KLHL29: variants seen among roughly 807,000 people sequenced by gnomAD.
KLHL29 encodes the protein kelch-like protein 29.
In KLHL29, 21 loss-of-function variants were observed where a neutral mutation model predicts 80.4. The observed-to-expected ratio is 0.26, with a 90% CI of 0.19 to 0.38. KLHL29 has a LOEUF of 0.38. Among genes scored for constraint, KLHL29 ranks in the 10% least tolerant of loss-of-function variants. KLHL29 has a pLI of 1.00. For synonymous variants in KLHL29, 511 were observed against 526.8 expected (o/e 0.97, Z 0.41); for missense variants, 867 against 1,223.9 (o/e 0.71, Z 4.35).
chr2:23,620,404 G>T (rs547989133), intron 3 of KLHL29, among the ~76,000 whole-genome samples: 1 of 152,282 alleles, frequency 6.6e-6, no homozygotes, highest in African/African-American at 2.4e-5. Context: ...CTCCTTGGAG[G>T]TCAGGAGAAG....
At chr2:23,478,792 C>A (rs1175611104) in intron 2 of KLHL29, among the ~76,000 whole-genome samples, 1 of 152,154 alleles carries the variant, frequency 6.6e-6, no homozygotes, top group Non-Finnish European at 1.5e-5. Flanking sequence ...GTTTGTCCCC[C>A]TGCCCTCAGC....
chr2:23,537,770 G>A (rs1490897413), intron 2 of KLHL29, among the ~76,000 whole-genome samples: 2 of 152,134 alleles, frequency 1.3e-5, no homozygotes, highest in Admixed American at 1.3e-4. Context: ...CAGGGCTCAG[G>A]GCAGCTGGCA....
At chr2:23,518,260 G>C (rs964565354) in intron 2 of KLHL29, among the ~76,000 whole-genome samples, 2 of 152,200 alleles carry the variant, frequency 1.3e-5, no homozygotes, top group South Asian at 2.1e-4. Flanking sequence ...TCGCCTAACA[G>C]TCTTAAGCAG....
chr2:23,606,181 A>G (rs77819666), intron 3 of KLHL29, among the ~76,000 whole-genome samples: 4 of 118,460 alleles, frequency 3.4e-5, no homozygotes, highest in East Asian at 2.3e-4. Context: ...CGTGAGAGAG[A>G]GAGAGAGGGA....
At chr2:23,620,007 AC>A (rs1669127978) in intron 3 of KLHL29, among the ~76,000 whole-genome samples, 1 of 152,104 alleles carries the variant, frequency 6.6e-6, no homozygotes, top group South Asian at 2.1e-4. Context: ...AATGCATCTG[AC>A]CCAGATGAAG....
At chr2:23,652,931 C>A (rs1199921770) in intron 5 of KLHL29, among the ~76,000 whole-genome samples, 2 of 152,092 alleles carry the variant, frequency 1.3e-5, no homozygotes, top group African/African-American at 4.8e-5. Context: ...CAGCTTTTTG[C>A]CCCTAACTTG....
intron 11 of KLHL29, 126 bp from the exon 12 acceptor site, chr2:23,703,060 G>A (rs920801632): frequency 1.3e-5 from 8 of 614,480 alleles, no homozygotes; most frequent in Non-Finnish European, 2.0e-5. Context: ...CACTGCTGGT[G>A]TGATCTCAGG....
chr2:23,583,529 C>T (rs987453137), intron 3 of KLHL29, among the ~76,000 whole-genome samples: 2 of 152,150 alleles, frequency 1.3e-5, no homozygotes, highest in Admixed American at 6.5e-5. Context: ...GCGATTAAAG[C>T]GAGAAGCTCT....
chr2:23,568,923 A>C (rs917754430), intron 3 of KLHL29, among the ~76,000 whole-genome samples: 2 of 152,200 alleles, frequency 1.3e-5, no homozygotes, highest in East Asian at 3.9e-4. Context: ...ACGTACATCT[A>C]TCTACTCAGA....
intron 3 of KLHL29, among the ~76,000 whole-genome samples, chr2:23,611,321 A>G (rs1668866876): frequency 6.6e-6 from 1 of 152,190 alleles, no homozygotes; most frequent in Non-Finnish European, 1.5e-5. Flanking sequence ...GCAGGCTTGC[A>G]GGGTCAGAGG....
intron 2 of KLHL29, among the ~76,000 whole-genome samples, chr2:23,484,926 C>T (rs545748307): frequency 6.6e-6 from 1 of 152,298 alleles, no homozygotes; most frequent in East Asian, 1.9e-4. Flanking sequence ...AGCGCCTCTC[C>T]CATCCCTACC....
intron 2 of KLHL29, among the ~76,000 whole-genome samples, chr2:23,525,989 C>T (rs377461304): frequency 2.0e-5 from 3 of 152,330 alleles, no homozygotes; most frequent in East Asian, 1.9e-4. Context: ...CCCTGACATC[C>T]GTGGACCTGC....
At chr2:23,434,068 T>C (rs1056842978) in intron 1 of KLHL29, among the ~76,000 whole-genome samples, 1 of 152,102 alleles carries the variant, frequency 6.6e-6, no homozygotes, top group Non-Finnish European at 1.5e-5. Flanking sequence ...ACGCCTGTAA[T>C]CCCAGCACTT....
chr2:23,706,386 C>G, intron 13 of KLHL29, 95 bp from the exon 14 acceptor site: 1 of 982,428 alleles, frequency 1.0e-6, no homozygotes. Flanking sequence ...GCAAAAGGCA[C>G]AGGCAGCCTA....
At chr2:23,482,527 C>T (rs553802885) in intron 2 of KLHL29, among the ~76,000 whole-genome samples, 4 of 152,160 alleles carry the variant, frequency 2.6e-5, no homozygotes, top group East Asian at 1.9e-4. Flanking sequence ...AAGCATCCAT[C>T]GGGGAAAGCA....
At chr2:23,676,240 T>C (rs1184065809) in intron 5 of KLHL29, among the ~76,000 whole-genome samples, 5 of 152,128 alleles carry the variant, frequency 3.3e-5, no homozygotes, top group Admixed American at 1.3e-4. Flanking sequence ...TGGAGTGCAG[T>C]GGCGCGATCT....
At chr2:23,470,651 T>C (rs2103434850) in intron 1 of KLHL29, among the ~76,000 whole-genome samples, 1 of 152,330 alleles carries the variant, frequency 6.6e-6, no homozygotes, top group South Asian at 2.1e-4. Context: ...TTTCTTTGAA[T>C]ACAGCCTACA....
chr2:23,623,151 T>C (rs770352571), intron 3 of KLHL29, among the ~76,000 whole-genome samples: 4 of 152,160 alleles, frequency 2.6e-5, no homozygotes, highest in African/African-American at 2.4e-5. Context: ...AGACGGGACA[T>C]GTCTCATGTG....
chr2:23,686,889 T>C (rs1245006830), intron 6 of KLHL29, among the ~76,000 whole-genome samples: 1 of 152,106 alleles, frequency 6.6e-6, no homozygotes, highest in East Asian at 1.9e-4. Flanking sequence ...GTCGCCGTGT[T>C]CGTTTGCAGC....
Sources: allele counts gnomAD v4.1 joint callset (sites outside exome capture counted in the v4.1 genomes callset), GRCh38; gene constraint gnomAD v4.1.1; transcripts MANE v1.5; gene names NCBI Gene and HGNC (gene_info 2026-07-23, HGNC 2026-07-21).